Variants in CASP8 observed in about 807,000 individuals in gnomAD.
CASP8 encodes caspase-8.
A neutral mutation model predicts 46.3 loss-of-function variants in CASP8; 24 were observed. The ratio of observed to expected loss-of-function variants is 0.52; its 90% CI spans 0.38 to 0.73. The LOEUF is 0.73. Among genes scored for constraint, CASP8 ranks in the 30% least tolerant of loss-of-function variants. The pLI is 0.00. For missense variants in CASP8, 460 were observed against 559.0 expected, an observed-to-expected ratio of 0.82 and a Z score of 1.79; for synonymous variants, 188 against 200.4, an observed-to-expected ratio of 0.94 and a Z score of 0.52.
chr2:201,238,561 C>A (rs1222676746), intron 2 of CASP8, among the ~76,000 whole-genome samples: 2 of 152,046 alleles, frequency 1.3e-5, no homozygotes, highest in Non-Finnish European at 2.9e-5. Context: ...CCTGCCTCAG[C>A]CTCCCGAGTA....
upstream of CASP8, among the ~76,000 whole-genome samples, chr2:201,259,657 A>G (rs1947245720): frequency 6.6e-6 from 1 of 152,186 alleles, no homozygotes; most frequent in South Asian, 2.1e-4. Context: ...CCTACTTTTA[A>G]TATCAGAAAA....
chr2:201,284,631 C>A lies in CASP8; in HGVS notation c.803-185C>A, dbSNP rs1382204965. On this transcript the variant is annotated intron_variant, in intron 7 of 8. Coordinates refer to ENST00000673742, the MANE Select transcript of CASP8 (RefSeq NM_001372051.1). ...CAGTGAGCCGAGATGGCAGCAGTAC[C>A]GTCCAGCTTTGGCTCGGCATGAGAG... Among the ~76,000 whole-genome samples the A allele has an allele frequency of 2.6e-3, 14 of 5,300 alleles. 1 individual carries two copies. The highest frequency in any genetic ancestry group is 6.5e-3 in the Admixed American group (2 of 308). 3.5% of individuals were successfully genotyped at this position (5,300 alleles called of 152,430 possible).
chr2:201,276,735 GA>G (rs1948656204), intron 6 of CASP8, 91 bp from the exon 7 acceptor site: 1 of 1,556,660 alleles, frequency 6.4e-7, no homozygotes, highest in Admixed American at 1.7e-5. Context: ...TGGTGCAATG[GA>G]AAGCAAGTCC....
chr2:201,258,734 TG>T (rs1947173368), upstream of CASP8, among the ~76,000 whole-genome samples: 1 of 134,326 alleles, frequency 7.4e-6, no homozygotes, highest in South Asian at 2.8e-4. Context: ...CATTTGGCCC[TG>T]GGGCCGACGG....
rs558293411 is a variant in CASP8 at position 201,266,298 on chromosome 2, T to C, written c.-26-163T>C. ...CAGCCCATTGGCTTGTTTGTATGTC[T>C]ACCTTCCTAAACAGTAAGAGGGAAC... On this transcript the variant is annotated intron_variant, in intron 1 of 8. Coordinates refer to ENST00000673742, the MANE Select transcript of CASP8 (RefSeq NM_001372051.1). The surrounding 1 kb of genome is among the most constrained non-coding windows in gnomAD (Gnocchi z 5.7). Among the ~76,000 whole-genome samples, 1 of 152,384 alleles carries C rather than the reference T, an allele frequency of 6.6e-6. No homozygotes were observed. The highest frequency in any genetic ancestry group is 1.9e-4 in the East Asian group (1 of 5,190).
At position 201,266,659 on chromosome 2, in the gene CASP8, A is replaced by G; in HGVS notation, c.173A>G (p.Asn58Ser). The G allele has an allele frequency of 1.2e-6, 2 of 1,614,074 alleles. No individual in the cohort carries two copies. The highest frequency in any genetic ancestry group is 8.5e-7 in the Non-Finnish European group (1 of 1,179,944). Residue 58 changes from asparagine to serine, a missense_variant, in exon 2 of 9, where the codon AAT becomes AGT. Coordinates refer to ENST00000673742, the MANE Select transcript of CASP8 (RefSeq NM_001372051.1). This position sits in a 1 kb window ranked among gnomAD's most constrained non-coding sequence, Gnocchi z 5.7. The stretch of plus-strand genomic sequence containing the variant: ...GAAAAGAGAATGTTGGAGGAAAGCA[A>G]TCTGTCCTTCCTGAAGGAGCTGCTC... ...LQEKRMLEES[N>S]LSFLKELLFR...
intron 2 of CASP8, among the ~76,000 whole-genome samples, chr2:201,245,348 C>A (rs1946464469): frequency 6.6e-6 from 1 of 151,960 alleles, no homozygotes; most frequent in Non-Finnish European, 1.5e-5. Context: ...TCAAGTGATT[C>A]TTATGCCTCA....
At position 201,269,008 on chromosome 2, in the gene CASP8, G is replaced by A. The variant is rs1387451444; in HGVS notation, c.305+2217G>A. On this transcript the variant is annotated intron_variant, in intron 2 of 8. Coordinates refer to ENST00000673742, the MANE Select transcript of CASP8 (RefSeq NM_001372051.1). ...AGCTGGAGTGCAGTGGCATGATCTC[G>A]GCTCAGTGCAACCTCCACCTCCTGG... Among the ~76,000 whole-genome samples the A allele has an allele frequency of 4.7e-5, 7 of 150,476 alleles. No individual in the cohort carries two copies. In the South Asian group the frequency reaches 8.4e-4, roughly 18 times the overall value.
chr2:201,266,787 T>C lies in CASP8; in HGVS notation c.301T>C (p.Tyr101His). The C allele has an allele frequency of 6.2e-7, 1 of 1,611,180 alleles. No individual in the cohort carries two copies. Among genetic ancestry groups the C allele is most frequent in the Non-Finnish European group, 8.5e-7 (1 of 1,177,996 alleles). The change falls in exon 2 of 9, where the codon TAC (tyrosine) becomes CAC (histidine). Residue 101 changes from tyrosine to histidine, a missense_variant. Physicochemically the swap from Tyr to His is moderately conservative, Grantham distance 83. Coordinates refer to ENST00000673742, the MANE Select transcript of CASP8 (RefSeq NM_001372051.1). The surrounding 1 kb of genome is among the most constrained non-coding windows in gnomAD (Gnocchi z 5.7). ...QTPGRAQISA[Y>H]RVMLYQISEE... ...ACCAGGCAGGGCTCAAATTTCTGCC[T>C]ACAGGTGGGTGGAAACTCCCATTGT...
intron 8 of CASP8, 107 bp downstream of exon 8, chr2:201,285,424 A>T (rs1179363028): frequency 2.2e-6 from 3 of 1,361,576 alleles, no homozygotes; most frequent in Non-Finnish European, 3.1e-6. Flanking sequence ...GTGCTATGTG[A>T]TTTAGATCAC....
chr2:201,285,752 G>A (rs1949529031), intron 8 of CASP8, among the ~76,000 whole-genome samples: 1 of 152,168 alleles, frequency 6.6e-6, no homozygotes, highest in Non-Finnish European at 1.5e-5. Context: ...CCAATTCAAT[G>A]TTTAAACATC....
At chr2:201,281,604 CAT>C (rs1383142271) in intron 7 of CASP8, among the ~76,000 whole-genome samples, 1 of 142,618 alleles carries the variant, frequency 7.0e-6, no homozygotes, top group Non-Finnish European at 1.5e-5. Context: ...CTTATTAATT[CAT>C]ATCTTTTATT....
At chr2:201,281,623 TA>T (rs2125388197) in intron 7 of CASP8, among the ~76,000 whole-genome samples, 1 of 151,874 alleles carries the variant, frequency 6.6e-6, no homozygotes, top group South Asian at 2.1e-4. Context: ...TATTTTGCTA[TA>T]CATAAATAAT....
chr2:201,253,958 GTA>G (rs758737329), intron 2 of CASP8, among the ~76,000 whole-genome samples: 11 of 151,998 alleles, frequency 7.2e-5, no homozygotes, highest in African/African-American at 2.2e-4. Context: ...GCACACACCT[GTA>G]ATCCCAGCTA....
At chr2:201,242,749 G>A (rs1946355878) in intron 2 of CASP8, 1 of 152,036 alleles carries the variant, frequency 6.6e-6, no homozygotes, top group African/African-American at 2.4e-5. Context: ...AACAAAGCTA[G>A]AAGCACCATA....
intron 5 of CASP8, 116 bp downstream of exon 5, chr2:201,273,058 CTTTTTTT>C (rs397826156): frequency 1.7e-5 from 10 of 596,444 alleles, no homozygotes; most frequent in Admixed American, 6.0e-5. Context: ...TCTACTTTTT[CTTTTTTT>C]TTTTTTTTTT....
chr2:201,259,527 C>G, upstream of CASP8, among the ~76,000 whole-genome samples: 1 of 152,094 alleles, frequency 6.6e-6, no homozygotes, highest in East Asian at 1.9e-4. Flanking sequence ...GGTGAAGAGT[C>G]CTTTTCAGAT....
At chr2:201,250,521 A>T (rs1576234214) in intron 2 of CASP8, among the ~76,000 whole-genome samples, 1 of 152,282 alleles carries the variant, frequency 6.6e-6, no homozygotes, top group African/African-American at 2.4e-5. Context: ...AGAGCAGGGG[A>T]AGCAAGAGAG....
At chr2:201,253,820 C>T (rs1946894260) in intron 2 of CASP8, among the ~76,000 whole-genome samples, 1 of 152,138 alleles carries the variant, frequency 6.6e-6, no homozygotes, top group South Asian at 2.1e-4. Flanking sequence ...CAGCGGCTCA[C>T]AGCTGTAATC....
Sources: allele counts gnomAD v4.1 joint callset (sites outside exome capture counted in the v4.1 genomes callset), GRCh38; gene constraint gnomAD v4.1.1; non-coding constraint Gnocchi (gnomAD v3.1); transcripts MANE v1.5; gene names NCBI Gene and HGNC (gene_info 2026-07-23, HGNC 2026-07-21).